DIXDC1: variants seen among roughly 807,000 people sequenced by gnomAD.
DIXDC1 encodes dixin.
DIXDC1 carries 64 observed loss-of-function variants against 103.1 expected under a neutral mutation model. That is an observed-to-expected ratio of 0.62 (90% CI 0.51 to 0.76). The LOEUF is 0.76. Among genes scored for constraint, DIXDC1 ranks in the 30% least tolerant of loss-of-function variants. The probability of loss-of-function intolerance (pLI) is 0.00; values close to 1 mark genes in which losing one functional copy is unlikely to be tolerated. For missense variants in DIXDC1, 759 were observed against 834.2 expected (o/e 0.91, Z 1.11); for synonymous variants, 266 against 298.5 (o/e 0.89, Z 1.12).
chr11:112,016,716 A>G lies in DIXDC1; in HGVS notation c.1782A>G (p.Pro594=), dbSNP rs782113130. ...NSKLPHSQSS[P]TVSSTCTKVL... is the part of the protein sequence containing the mutation. ...AGTTGCCTCACTCACAGAGCTCTCC[A>G]ACTGTCAGCAGCACCTGTACTAAAG... The change falls in exon 18 of 20, where the codon CCA becomes CCG. Residue 594 remains proline, a synonymous_variant. Coordinates refer to ENST00000440460, the MANE Select transcript of DIXDC1 (RefSeq NM_001037954.4). 5 of 1,607,098 alleles carry G rather than the reference A, an allele frequency of 3.1e-6. No individual in the cohort carries two copies. Among genetic ancestry groups the G allele is most frequent in the Non-Finnish European group, 4.3e-6 (5 of 1,176,464 alleles).
chr11:111,947,950 C>T (rs1410998983), intron 1 of DIXDC1, among the ~76,000 whole-genome samples: 2 of 151,992 alleles, frequency 1.3e-5, no homozygotes, highest in South Asian at 2.1e-4. Context: ...GCCAGGAGTT[C>T]GAGACTAGCC....
At chr11:111,964,775 A>G (rs782268861) in intron 2 of DIXDC1, 97 bp downstream of exon 2, 57 of 1,403,778 alleles carry the variant, frequency 4.1e-5, no homozygotes, top group Non-Finnish European at 5.4e-5. Flanking sequence ...TTTTTTCTTT[A>G]GAATATATGG....
chr11:111,955,337 G>C (rs193067880), intron 1 of DIXDC1, among the ~76,000 whole-genome samples: 1 of 117,430 alleles, frequency 8.5e-6, no homozygotes, highest in African/African-American at 3.6e-5. Flanking sequence ...GTGAGACCCT[G>C]TCAAAAAAAA....
chr11:111,939,136 A>G (rs1231035394), intron 1 of DIXDC1, among the ~76,000 whole-genome samples: 1 of 152,216 alleles, frequency 6.6e-6, no homozygotes, highest in Non-Finnish European at 1.5e-5. Context: ...CAACTTAACA[A>G]CAACAACAAA....
chr11:111,973,591 T>A (rs1860005298), intron 3 of DIXDC1, among the ~76,000 whole-genome samples: 1 of 152,216 alleles, frequency 6.6e-6, no homozygotes, highest in South Asian at 2.1e-4. Flanking sequence ...GGTTCCCATA[T>A]TAGATGGCAT....
chr11:111,941,423 C>T (rs1255065675), intron 1 of DIXDC1, among the ~76,000 whole-genome samples: 2 of 152,126 alleles, frequency 1.3e-5, no homozygotes, highest in African/African-American at 2.4e-5. Flanking sequence ...AGCTTTTGAA[C>T]ATAAGTTCTG....
intron 2 of DIXDC1, chr11:111,929,958 A>G: frequency 6.8e-7 from 1 of 1,467,486 alleles, no homozygotes. Flanking sequence ...TGTTACTGGA[A>G]TTTCAATACA....
At chr11:111,935,827 G>A (rs587655414), upstream of DIXDC1, among the ~76,000 whole-genome samples, 1 of 152,306 alleles carries the variant, frequency 6.6e-6, no homozygotes, top group South Asian at 2.1e-4. Context: ...CCCAGCATTA[G>A]CCAGAATTGA....
intron 3 of DIXDC1, among the ~76,000 whole-genome samples, chr11:111,969,021 G>A (rs1206847354): frequency 1.3e-5 from 2 of 151,930 alleles, no homozygotes; most frequent in African/African-American, 4.8e-5. Flanking sequence ...TGATCTACCC[G>A]CCTCGCCTTG....
chr11:111,985,436 G>A (rs1860458545), intron 8 of DIXDC1, 115 bp downstream of exon 8: 6 of 791,522 alleles, frequency 7.6e-6, no homozygotes, highest in Non-Finnish European at 6.0e-6. Flanking sequence ...ACCAGTTCTG[G>A]TTTTCCTCCT....
intron 1 of DIXDC1, among the ~76,000 whole-genome samples, chr11:111,951,519 A>C (rs1263703425): frequency 6.6e-6 from 1 of 152,208 alleles, no homozygotes; most frequent in Non-Finnish European, 1.5e-5. Flanking sequence ...TGCAAAAAAA[A>C]ACTACAGACT....
At chr11:111,949,549 C>T (rs1439730462) in intron 1 of DIXDC1, among the ~76,000 whole-genome samples, 5 of 152,208 alleles carry the variant, frequency 3.3e-5, no homozygotes, top group Admixed American at 6.5e-5. Flanking sequence ...CTGGGCTCCT[C>T]GTTGGCTTCT....
chr11:111,947,802 T>C (rs1313884481), intron 1 of DIXDC1, among the ~76,000 whole-genome samples: 2 of 152,222 alleles, frequency 1.3e-5, no homozygotes, highest in African/African-American at 4.8e-5. Context: ...TGCCAAAGGC[T>C]TATCTTCAAC....
At chr11:111,970,463 T>C (rs1555171954) in intron 3 of DIXDC1, among the ~76,000 whole-genome samples, 2 of 151,908 alleles carry the variant, frequency 1.3e-5, no homozygotes, top group Non-Finnish European at 2.9e-5. Flanking sequence ...AAAAGAAATA[T>C]CTAGGAATAC....
chr11:112,010,330 C>T (rs1861375782), intron 17 of DIXDC1, among the ~76,000 whole-genome samples: 1 of 152,170 alleles, frequency 6.6e-6, no homozygotes, highest in African/African-American at 2.4e-5. Flanking sequence ...AAGAACATTC[C>T]ATGCTCATGG....
Position 111,977,394 on chromosome 11 carries a change from T to G in DIXDC1, c.656+2411T>G. ...CGGGAGCCTCCCTCCCAGTGGGAGA[T>G]GGGTTGAGATGCCCCCGCCAGGGGG... On this transcript the variant is annotated intron_variant, in intron 5 of 19. Transcript: ENST00000440460. The surrounding 1 kb of genome is among the most constrained non-coding windows in gnomAD (Gnocchi z 6.1). 14 of 1,089,502 alleles carry G rather than the reference T, an allele frequency of 1.3e-5. No homozygotes were observed. The highest frequency in any genetic ancestry group is 1.7e-5 in the African/African-American group (1 of 58,788). The allele number at this position is 1,089,502 out of a possible 1,614,324, so 67.5% of individuals were successfully genotyped here. A position where few individuals can be genotyped will look rare whatever the true frequency, so the allele number is the denominator to read the frequency against.
At position 112,018,969 on chromosome 11, in the gene DIXDC1, A is replaced by T. The variant is rs1555178101; in HGVS notation, c.1985A>T (p.Asp662Val). 1 of 1,613,062 alleles carries T rather than the reference A, an allele frequency of 6.2e-7. No individual in the cohort carries two copies. Among genetic ancestry groups the T allele is most frequent in the East Asian group, 2.2e-5 (1 of 44,850 alleles). The change falls in exon 20 of 20, where the codon GAT becomes GTT. Residue 662 changes from aspartate (D) to valine (V), a missense_variant. Asp to Val is a radical substitution (Grantham distance 152). Coordinates refer to ENST00000440460, the MANE Select transcript of DIXDC1 (RefSeq NM_001037954.4). ...GTVKEEIFHD[D>V]DAIPGWEGKI... The stretch of plus-strand genomic sequence containing the variant: ...TTTTTTCTCTAGATTTTCCATGATG[A>T]TGATGCCATCCCTGGATGGGAAGGG...
In DIXDC1 at chr11:111,968,547, C is replaced by T. The variant is rs781839566; in HGVS notation, c.225C>T (p.Pro75=). The change falls in exon 3 of 20, where the codon CCC becomes CCT. Residue 75 remains proline, a synonymous_variant. Coordinates refer to ENST00000440460, the MANE Select transcript of DIXDC1 (RefSeq NM_001037954.4). ...AGCTGAGTGGGGTACAGCTGAGTCC[C>T]GGTAACCAACAGGAGATGAAGAATA... is the stretch of plus-strand genomic sequence containing the variant. ...GEKLSGVQLS[P]GNQQEMKNNV... is the part of the protein sequence containing the mutation. 1.2e-5 allele frequency: 19 copies of T among 1,613,096 alleles called. No individual in the cohort carries two copies. Among genetic ancestry groups the T allele is most frequent in the Middle Eastern group, 1.7e-4 (1 of 6,060 alleles).
Position 111,937,376 on chromosome 11 carries a change from C to T in DIXDC1, c.-124C>T, listed in dbSNP as rs1966241167. ...TCCAGTCTAGGTTTCCAGTAAGTGG[C>T]ATGCGGGACTCCGGAGGGATCCCAA... On this transcript the variant is annotated 5_prime_UTR_variant, in exon 1 of 20. Coordinates refer to ENST00000440460, the MANE Select transcript of DIXDC1 (RefSeq NM_001037954.4). 5 of 1,456,676 alleles carry T rather than the reference C, an allele frequency of 3.4e-6. No homozygotes were observed. Among genetic ancestry groups the T allele is most frequent in the Non-Finnish European group, 4.5e-6 (5 of 1,104,304 alleles). 90.2% of individuals were successfully genotyped at this position (1,456,676 alleles called of 1,614,324 possible). A position where few individuals can be genotyped will look rare whatever the true frequency, so the allele number is the denominator to read the frequency against.
Sources: gnomAD v4.1 joint callset for allele counts (sites outside exome capture counted in the v4.1 genomes callset) on GRCh38, gnomAD v4.1.1 for gene constraint, Gnocchi (gnomAD v3.1) non-coding constraint, MANE v1.5 for transcripts, NCBI Gene and HGNC (gene_info 2026-07-23, HGNC 2026-07-21) for gene names.